The following CLSTN2 variants were observed in gnomAD, a reference collection of about 807,000 sequenced individuals.
CLSTN2 encodes the protein calsyntenin 2, also known as calsyntenin-2.
Under a neutral mutation model 101.2 loss-of-function variants are expected in CLSTN2, and 48 were observed. The ratio of observed to expected loss-of-function variants is 0.47; its 90% CI spans 0.38 to 0.60. The LOEUF (loss-of-function observed/expected upper bound fraction) is 0.60, where lower values mean the gene tolerates loss of function less well. CLSTN2 is among the 20% of genes least tolerant of loss of function. The probability of loss-of-function intolerance (pLI) is 0.00; values close to 1 mark genes in which losing one functional copy is unlikely to be tolerated. For synonymous variants in CLSTN2, 481 were observed against 463.6 expected (o/e 1.04, Z -0.48); for missense variants, 1,160 against 1,238.2 (o/e 0.94, Z 0.95).
chr3:139,941,385 G>C (rs1223404881), intron 1 of CLSTN2, among the ~76,000 whole-genome samples: 1 of 152,150 alleles, frequency 6.6e-6, no homozygotes, highest in East Asian at 1.9e-4. Flanking sequence ...ACTAGGTCCT[G>C]TTCTCTAGCC....
chr3:139,937,330 G>A (rs569252486), intron 1 of CLSTN2, among the ~76,000 whole-genome samples: 16 of 151,788 alleles, frequency 1.1e-4, no homozygotes, highest in Non-Finnish European at 2.2e-4. Flanking sequence ...GAAGGAGAGA[G>A]ATAAAAAAGG....
At chr3:140,232,209 G>A (rs1347772785) in intron 2 of CLSTN2, among the ~76,000 whole-genome samples, 1 of 152,128 alleles carries the variant, frequency 6.6e-6, no homozygotes, top group African/African-American at 2.4e-5. Flanking sequence ...AAAACTTATT[G>A]ATGCTGCAAA....
At chr3:140,459,846 C>T in intron 7 of CLSTN2, 77 bp downstream of exon 7, 2 of 1,505,596 alleles carry the variant, frequency 1.3e-6, no homozygotes, top group South Asian at 2.3e-5. Flanking sequence ...TGGACATGGA[C>T]ACAGCCAAGG....
At chr3:140,206,072 C>G (rs148217355) in intron 2 of CLSTN2, among the ~76,000 whole-genome samples, 125 of 152,316 alleles carry the variant, frequency 8.2e-4, no homozygotes, top group African/African-American at 2.9e-3. Flanking sequence ...AAATCATTCA[C>G]AAACTTCAGA....
intron 2 of CLSTN2, among the ~76,000 whole-genome samples, chr3:140,340,037 G>T (rs1224180500): frequency 6.6e-6 from 1 of 152,160 alleles, no homozygotes; most frequent in African/African-American, 2.4e-5. Context: ...ATCTTGCAGG[G>T]TTTCCATGAG....
chr3:140,125,973 G>C (rs536596444), intron 1 of CLSTN2, among the ~76,000 whole-genome samples: 17 of 152,268 alleles, frequency 1.1e-4, no homozygotes, highest in African/African-American at 4.1e-4. Context: ...GCCCTGGAGG[G>C]GTTCAAGGGA....
chr3:140,344,715 A>G (rs1201354734), intron 2 of CLSTN2, among the ~76,000 whole-genome samples: 1 of 152,154 alleles, frequency 6.6e-6, no homozygotes, highest in Non-Finnish European at 1.5e-5. Context: ...GTCACATAAC[A>G]GCTTGCACAT....
chr3:139,987,592 T>C (rs1193465034), intron 1 of CLSTN2, among the ~76,000 whole-genome samples: 1 of 152,148 alleles, frequency 6.6e-6, no homozygotes, highest in Non-Finnish European at 1.5e-5. Context: ...AGATATTAAA[T>C]AAAAAAGTAA....
intron 6 of CLSTN2, among the ~76,000 whole-genome samples, chr3:140,459,228 G>GCC (rs1160262738): frequency 6.6e-6 from 1 of 152,148 alleles, no homozygotes; most frequent in Admixed American, 6.5e-5. Flanking sequence ...GCTAGTAAGA[G>GCC]CCCCCAGGGT....
intron 1 of CLSTN2, among the ~76,000 whole-genome samples, chr3:140,039,356 C>T (rs1432875167): frequency 6.6e-6 from 1 of 152,168 alleles, no homozygotes; most frequent in Non-Finnish European, 1.5e-5. Flanking sequence ...ACTTTAGTAG[C>T]AGTGTAATAC....
At chr3:140,023,187 G>C (rs541304634) in intron 1 of CLSTN2, among the ~76,000 whole-genome samples, 1 of 152,256 alleles carries the variant, frequency 6.6e-6, no homozygotes, top group South Asian at 2.1e-4. Flanking sequence ...AGTGAGAGGA[G>C]AGGTTGTCTT....
intron 1 of CLSTN2, among the ~76,000 whole-genome samples, chr3:140,121,097 C>T (rs1427012380): frequency 2.0e-5 from 3 of 152,136 alleles, no homozygotes; most frequent in African/African-American, 7.2e-5. Flanking sequence ...AGGGAAACCA[C>T]AAGAAGTAGT....
At chr3:140,414,178 A>G (rs1576554636) in intron 4 of CLSTN2, among the ~76,000 whole-genome samples, 1 of 152,132 alleles carries the variant, frequency 6.6e-6, no homozygotes, top group African/African-American at 2.4e-5. Context: ...TGCTGTAACT[A>G]ATAAATAAAT....
chr3:140,512,211 C>A (rs1378614665), intron 8 of CLSTN2, among the ~76,000 whole-genome samples: 2 of 152,114 alleles, frequency 1.3e-5, no homozygotes, highest in Non-Finnish European at 2.9e-5. Flanking sequence ...GAAGTCTTTG[C>A]CCATGCCTAT....
chr3:140,484,463 A>G (rs141418271), intron 8 of CLSTN2, among the ~76,000 whole-genome samples: 8,860 of 151,956 alleles, frequency 0.058, 842 homozygotes, highest in African/African-American at 0.2. Context: ...CTTCTCAAGG[A>G]GTATCTTTGT....
At chr3:140,376,964 A>C (rs2087924524) in intron 2 of CLSTN2, among the ~76,000 whole-genome samples, 1 of 151,916 alleles carries the variant, frequency 6.6e-6, no homozygotes, top group Non-Finnish European at 1.5e-5. Flanking sequence ...GCAGATGCAT[A>C]CAGGAATTGG....
At chr3:140,432,706 T>A (rs2107998993) in intron 5 of CLSTN2, among the ~76,000 whole-genome samples, 1 of 152,332 alleles carries the variant, frequency 6.6e-6, no homozygotes, top group South Asian at 2.1e-4. Flanking sequence ...GTGCCCATGC[T>A]CAAGTCTGCT....
At chr3:140,435,591 C>A (rs140356060) in intron 5 of CLSTN2, among the ~76,000 whole-genome samples, 39 of 152,180 alleles carry the variant, frequency 2.6e-4, no homozygotes, top group Non-Finnish European at 4.7e-4. Context: ...ACCTAGGAAT[C>A]GGATTGCTGG....
intron 1 of CLSTN2, among the ~76,000 whole-genome samples, chr3:140,158,074 C>G (rs2009984833): frequency 6.6e-6 from 1 of 152,110 alleles, no homozygotes; most frequent in Non-Finnish European, 1.5e-5. Flanking sequence ...TAAGGGCCGT[C>G]TATGACAAAC....
Sources: allele counts gnomAD v4.1 joint callset (sites outside exome capture counted in the v4.1 genomes callset), GRCh38; gene constraint gnomAD v4.1.1; transcripts MANE v1.5; gene names NCBI Gene and HGNC (gene_info 2026-07-23, HGNC 2026-07-21).